The following SYN3 variants were observed in gnomAD, a reference collection of about 807,000 sequenced individuals.
SYN3 encodes the protein synapsin-3.
In SYN3, 35 loss-of-function variants were observed where a neutral mutation model predicts 65.8. The ratio of observed to expected loss-of-function variants is 0.53; its 90% confidence interval spans 0.41 to 0.70. The LOEUF (loss-of-function observed/expected upper bound fraction) is 0.70, where lower values mean the gene tolerates loss of function less well. SYN3 is among the 30% of genes least tolerant of loss of function. The probability of loss-of-function intolerance (pLI) is 0.00; values close to 1 mark genes in which losing one functional copy is unlikely to be tolerated. For missense variants in SYN3, 680 were observed against 749.0 expected (o/e 0.91, Z 1.08); for synonymous variants, 270 against 292.9 (o/e 0.92, Z 0.80).
At chr22:32,741,578 A>C (rs2061406920) in intron 6 of SYN3, among the ~76,000 whole-genome samples, 2 of 151,670 alleles carry the variant, frequency 1.3e-5, no homozygotes, top group Non-Finnish European at 2.9e-5. Flanking sequence ...GATGGTCTCG[A>C]TCTCCTGACC....
At chr22:33,046,185 C>T (rs1010405355) in intron 1 of SYN3, among the ~76,000 whole-genome samples, 7 of 152,262 alleles carry the variant, frequency 4.6e-5, no homozygotes, top group East Asian at 1.9e-4. Context: ...ATACCAACCA[C>T]GCCAACTACT....
intron 6 of SYN3, chr22:32,857,436 G>T: frequency 9.1e-7 from 1 of 1,100,574 alleles, no homozygotes; most frequent in Non-Finnish European, 1.4e-6. Flanking sequence ...GAACACATAC[G>T]GAGTAGTTGA....
chr22:32,716,428 G>A (rs1425277337), intron 6 of SYN3, among the ~76,000 whole-genome samples: 1 of 152,100 alleles, frequency 6.6e-6, no homozygotes, highest in Non-Finnish European at 1.5e-5. Context: ...ACTCCATAAT[G>A]AAGGAGGAGG....
chr22:32,933,985 C>A (rs2146711157), intron 3 of SYN3, among the ~76,000 whole-genome samples: 1 of 152,312 alleles, frequency 6.6e-6, no homozygotes, highest in Admixed American at 6.5e-5. Context: ...AGTACTTACG[C>A]CTCTTGCTGT....
chr22:32,838,125 A>G (rs2047788073), intron 6 of SYN3, among the ~76,000 whole-genome samples: 1 of 152,176 alleles, frequency 6.6e-6, no homozygotes, highest in African/African-American at 2.4e-5. Flanking sequence ...TAAAGGTAGG[A>G]ACCTTGTCTG....
rs531136351 is a variant in SYN3, at chr22:32,542,693, C to G, written c.775-980G>C. Among the ~76,000 whole-genome samples the G allele has an allele frequency of 4.0e-5, 6 of 151,538 alleles. No individual in the cohort carries two copies. In the South Asian group the frequency reaches 1.3e-3, roughly 32 times the overall value. On this transcript the variant is annotated intron_variant, in intron 7 of 13. Transcript: ENST00000358763. Reference sequence around the variant, plus strand: ...GCACACACTGGAGAGGCCAGCTTTGCTAGGCCAGAGGCTGGGAGAGAAACT... The same window carrying G: ...GCACACACTGGAGAGGCCAGCTTTGGTAGGCCAGAGGCTGGGAGAGAAACT...
chr22:32,776,754 ATTTTGTAAACTG>A (rs1331242887), intron 6 of SYN3, among the ~76,000 whole-genome samples: 4 of 152,186 alleles, frequency 2.6e-5, no homozygotes, highest in African/African-American at 9.7e-5. Flanking sequence ...CATGAAAAGC[ATTTTGTAAACTG>A]TAAAGTGCAG....
chr22:32,773,177 T>C (rs917865363), intron 6 of SYN3, among the ~76,000 whole-genome samples: 1 of 151,890 alleles, frequency 6.6e-6, no homozygotes, highest in African/African-American at 2.4e-5. Context: ...GAGGCTGAGG[T>C]GGGCAGATTG....
In SYN3 at chr22:32,921,072, G is replaced by A. The variant is rs77252093; in HGVS notation, c.461+10318C>T. Among the ~76,000 whole-genome samples, 1,222 of 152,012 alleles carry A rather than the reference G, an allele frequency of 8.0e-3. 6 individuals carry two copies. The highest frequency in any genetic ancestry group is 0.025 in the East Asian group (127 of 5,152). ...TGTTGTCAGATTCTAAATACCTCAC[G>A]TTCCCTTAGCCCCTCACACTCCTCC... On this transcript the variant is annotated intron_variant, in intron 4 of 13. Coordinates refer to ENST00000358763, the MANE Select transcript of SYN3 (RefSeq NM_003490.4).
chr22:32,959,666 C>T (rs1295297258), intron 3 of SYN3, among the ~76,000 whole-genome samples: 2 of 152,064 alleles, frequency 1.3e-5, no homozygotes, highest in South Asian at 2.1e-4. Context: ...GCGATCACGG[C>T]TCACTGCTGC....
intron 6 of SYN3, among the ~76,000 whole-genome samples, chr22:32,780,951 TTCCTTCCTTCC>T (rs1569219198): frequency 3.9e-4 from 30 of 76,276 alleles, no homozygotes; most frequent in East Asian, 8.5e-4. Context: ...CCTTCCTTCC[TTCCTTCCTTCC>T]TTCCTTCCTT....
intron 7 of SYN3, among the ~76,000 whole-genome samples, chr22:32,555,562 T>C (rs933605824): frequency 1.3e-5 from 2 of 152,166 alleles, no homozygotes; most frequent in Non-Finnish European, 2.9e-5. Context: ...GATAACTGCA[T>C]GAGGTAATTT....
Position 32,600,967 on chromosome 22 carries a change from G to A in SYN3, c.712-4231C>T, listed in dbSNP as rs117429448. On this transcript the variant is annotated intron_variant, in intron 6 of 13. Coordinates refer to ENST00000358763, the MANE Select transcript of SYN3 (RefSeq NM_003490.4). ...CTGCCAAAGTTCTGGGATAACAGGC[G>A]TGAGCCACCCCTCCCGGCCACTTAA... 1.2e-3 allele frequency among the ~76,000 whole-genome samples: 176 copies of A among 152,288 alleles called. 4 individuals carry two copies. In the East Asian group the frequency reaches 0.028, roughly 24 times the overall value.
chr22:32,580,968 T>A (rs996029845), intron 7 of SYN3, among the ~76,000 whole-genome samples: 36 of 152,188 alleles, frequency 2.4e-4, no homozygotes, highest in African/African-American at 8.2e-4. Context: ...TTTAACAAGA[T>A]CCCCTGGGTG....
At chr22:32,648,350 A>ATT in intron 6 of SYN3, among the ~76,000 whole-genome samples, 1 of 152,256 alleles carries the variant, frequency 6.6e-6, no homozygotes, top group East Asian at 1.9e-4. Context: ...TTGTCAGGAG[A>ATT]TACTGGTTTT....
intron 3 of SYN3, among the ~76,000 whole-genome samples, chr22:32,974,423 T>C (rs535765545): frequency 4.6e-5 from 7 of 152,352 alleles, no homozygotes; most frequent in African/African-American, 7.2e-5. Flanking sequence ...TTATCAACCA[T>C]ACTTGTTCAA....
rs745563354 is a variant in SYN3 at position 32,767,957 on chromosome 22, G to A, written c.711+96958C>T. ...ACATCTTCCCCTGGATGTCTAACAC[G>A]CATTTCTAGTTTAACATGTCACCCC... On this transcript the variant is annotated intron_variant, in intron 6 of 13. Transcript: ENST00000358763. 5.5e-4 allele frequency among the ~76,000 whole-genome samples: 84 copies of A among 152,228 alleles called. 1 individual carries two copies. Among genetic ancestry groups the A allele is most frequent in the Non-Finnish European group, 5.7e-4 (39 of 68,016 alleles).
chr22:32,665,697 C>T (rs1004977993), intron 6 of SYN3, among the ~76,000 whole-genome samples: 8 of 151,968 alleles, frequency 5.3e-5, no homozygotes, highest in African/African-American at 1.9e-4. Context: ...CTCCCTTAGT[C>T]GCCATCACAG....
At chr22:32,605,512 A>G (rs1007832168) in intron 6 of SYN3, among the ~76,000 whole-genome samples, 2 of 152,168 alleles carry the variant, frequency 1.3e-5, no homozygotes, top group African/African-American at 4.8e-5. Context: ...CTTTACATAT[A>G]TCGCCCCACG....
Sources: gnomAD v4.1 joint callset for allele counts (sites outside exome capture counted in the v4.1 genomes callset) on GRCh38, gnomAD v4.1.1 for gene constraint, MANE v1.5 for transcripts, NCBI Gene and HGNC (gene_info 2026-07-23, HGNC 2026-07-21) for gene names.